The following PSD3 variants were observed in gnomAD, a reference collection of about 807,000 sequenced individuals.
The protein encoded by PSD3 is PH and SEC7 domain-containing protein 3.
Under a neutral mutation model 105.5 loss-of-function variants are expected in PSD3, and 49 were observed. The observed-to-expected ratio is 0.46, with a 90% CI of 0.37 to 0.59. The LOEUF (loss-of-function observed/expected upper bound fraction) is 0.59, where lower values mean the gene tolerates loss of function less well. Ranked by LOEUF, PSD3 falls within the 20% of genes least tolerant of loss-of-function variation. The probability of loss-of-function intolerance (pLI) is 0.00; values close to 1 mark genes in which losing one functional copy is unlikely to be tolerated. For missense variants in PSD3, 1,561 were observed against 1,263.8 expected, an observed-to-expected ratio of 1.24 and a Z score of -3.57; for synonymous variants, 557 against 457.8, an observed-to-expected ratio of 1.22 and a Z score of -2.77.
chr8:18,724,705 C>T (rs766047772), intron 9 of PSD3, among the ~76,000 whole-genome samples: 6 of 151,940 alleles, frequency 3.9e-5, no homozygotes, highest in African/African-American at 7.3e-5. Flanking sequence ...AATGTGGGCA[C>T]GTAATTCCTC....
intron 12 of PSD3, among the ~76,000 whole-genome samples, chr8:18,595,110 A>T (rs1486468849): frequency 2.6e-5 from 4 of 152,018 alleles, no homozygotes; most frequent in Non-Finnish European, 5.9e-5. Context: ...AAAGGATATA[A>T]TTTGTGACGG....
chr8:18,790,520 T>C (rs1055107219), intron 8 of PSD3, among the ~76,000 whole-genome samples: 1 of 152,004 alleles, frequency 6.6e-6, no homozygotes, highest in African/African-American at 2.4e-5. Context: ...GCCAGGATGG[T>C]CTCTATCTCC....
chr8:18,669,213 T>G (rs1050398670), intron 9 of PSD3, among the ~76,000 whole-genome samples: 1 of 152,200 alleles, frequency 6.6e-6, no homozygotes, highest in Non-Finnish European at 1.5e-5. Flanking sequence ...TTGTAACTAC[T>G]AGACACTAAT....
chr8:18,908,311 T>A (rs1364959890), intron 2 of PSD3, among the ~76,000 whole-genome samples: 1 of 152,170 alleles, frequency 6.6e-6, no homozygotes, highest in African/African-American at 2.4e-5. Context: ...ATTTTTTGGA[T>A]TAATATTTAA....
intron 2 of PSD3, among the ~76,000 whole-genome samples, chr8:18,904,678 T>C (rs999016580): frequency 2.6e-4 from 40 of 152,366 alleles, no homozygotes; most frequent in African/African-American, 9.6e-4. Flanking sequence ...GTTACAGCTG[T>C]AATTGTTTAC....
At chr8:18,838,335 G>A (rs945328524) in intron 4 of PSD3, among the ~76,000 whole-genome samples, 4 of 152,042 alleles carry the variant, frequency 2.6e-5, no homozygotes, top group Non-Finnish European at 5.9e-5. Flanking sequence ...TGAACAAAAC[G>A]GGTTTCCATG....
intron 8 of PSD3, among the ~76,000 whole-genome samples, chr8:18,786,469 G>A (rs778654004): frequency 6.6e-6 from 1 of 152,110 alleles, no homozygotes; most frequent in African/African-American, 2.4e-5. Flanking sequence ...TACTTTAACT[G>A]CTTATTTGGC....
At chr8:18,807,346 T>A (rs78681855) in intron 4 of PSD3, among the ~76,000 whole-genome samples, 1 of 152,138 alleles carries the variant, frequency 6.6e-6, no homozygotes, top group Non-Finnish European at 1.5e-5. Flanking sequence ...GAGTTAACTG[T>A]CCTTAGCAAC....
chr8:18,836,956 T>G (rs1814163290), intron 4 of PSD3, among the ~76,000 whole-genome samples: 1 of 151,730 alleles, frequency 6.6e-6, no homozygotes. Flanking sequence ...TTACGTGTTT[T>G]TTTTTTTTTT....
intron 4 of PSD3, among the ~76,000 whole-genome samples, chr8:18,816,305 C>A (rs1232570953): frequency 6.6e-6 from 1 of 152,102 alleles, no homozygotes; most frequent in Non-Finnish European, 1.5e-5. Flanking sequence ...TCCCATTTTA[C>A]AAAAAAGGAA....
intron 4 of PSD3, chr8:18,865,284 A>T (rs369281966): frequency 0.52 from 4,618 of 8,818 alleles, 934 homozygotes; most frequent in East Asian, 0.68. Context: ...ATATATATAT[A>T]TATTTTTTTT....
At chr8:18,831,227 T>C (rs1813656827) in intron 4 of PSD3, among the ~76,000 whole-genome samples, 1 of 152,192 alleles carries the variant, frequency 6.6e-6, no homozygotes, top group Admixed American at 6.5e-5. Context: ...AGCTTCCTCA[T>C]CTGTAAAGTG....
At chr8:18,984,668 T>A (rs937815023) in intron 1 of PSD3, among the ~76,000 whole-genome samples, 7 of 152,224 alleles carry the variant, frequency 4.6e-5, no homozygotes, top group African/African-American at 1.7e-4. Flanking sequence ...TAATTGTAGC[T>A]ACAAAAATGT....
In PSD3 at chr8:18,872,059, A is replaced by T; in HGVS notation, c.805T>A (p.Leu269Met). 6.2e-7 allele frequency: 1 copy of T among 1,614,158 alleles called. No homozygotes were observed. Among genetic ancestry groups the T allele is most frequent in the Non-Finnish European group, 8.5e-7 (1 of 1,180,034 alleles). ...CCAAGAGCAGACCTCTGCTCTTTCA[A>T]GAAACCAACACTGCCTGCAGAGTGG... ...TCHSAGSVGF[L>M]KEQRSALGRE... The change falls in exon 3 of 16, where the codon TTG becomes ATG. Residue 269 changes from leucine (L) to methionine (M), a missense_variant. Leu to Met is a conservative substitution (Grantham distance 15). Coordinates refer to ENST00000327040, the MANE Select transcript of PSD3 (RefSeq NM_015310.4).
intron 9 of PSD3, among the ~76,000 whole-genome samples, chr8:18,722,628 GA>G (rs1162389116): frequency 6.6e-6 from 1 of 152,194 alleles, no homozygotes; most frequent in Non-Finnish European, 1.5e-5. Flanking sequence ...ATAATCATTA[GA>G]GAAAGATGTC....
At chr8:18,651,039 TA>T in intron 10 of PSD3, among the ~76,000 whole-genome samples, 1 of 152,302 alleles carries the variant, frequency 6.6e-6, no homozygotes, top group Non-Finnish European at 1.5e-5. Context: ...ACTACGTAAG[TA>T]CCTTTCAAAA....
intron 14 of PSD3, among the ~76,000 whole-genome samples, chr8:18,565,004 C>T (rs1015226828): frequency 2.0e-5 from 3 of 152,132 alleles, no homozygotes; most frequent in African/African-American, 7.2e-5. Flanking sequence ...TGAAGATGTC[C>T]TGGGGCACCA....
intron 9 of PSD3, among the ~76,000 whole-genome samples, chr8:18,727,288 G>C (rs1001532594): frequency 7.5e-6 from 1 of 132,492 alleles, no homozygotes; most frequent in African/African-American, 2.9e-5. Flanking sequence ...AGTGAGCCGA[G>C]ATCGCACTAC....
At chr8:18,683,119 T>C (rs1043579122) in intron 9 of PSD3, among the ~76,000 whole-genome samples, 3 of 152,206 alleles carry the variant, frequency 2.0e-5, no homozygotes, top group Admixed American at 2.0e-4. Flanking sequence ...AATCACTCCC[T>C]TCACATTTCA....
Sources: allele counts gnomAD v4.1 joint callset (sites outside exome capture counted in the v4.1 genomes callset), GRCh38; gene constraint gnomAD v4.1.1; transcripts MANE v1.5; gene names NCBI Gene and HGNC (gene_info 2026-07-23, HGNC 2026-07-21).